CHRNA3: variants seen among roughly 807,000 people sequenced by gnomAD.
The protein encoded by CHRNA3 is cholinergic receptor nicotinic alpha 3 subunit.
Under a neutral mutation model 41.9 loss-of-function variants are expected in CHRNA3, and 34 were observed. That is an observed-to-expected ratio of 0.81 (90% confidence interval 0.62 to 1.08). The LOEUF is 1.08. Among genes scored for constraint, CHRNA3 ranks in the 50% least tolerant of loss-of-function variants. CHRNA3 has a pLI of 0.00. For synonymous variants in CHRNA3, 281 were observed against 265.2 expected (o/e 1.06, Z -0.58); for missense variants, 542 against 638.3 (o/e 0.85, Z 1.63).
At chr15:78,609,302 G>A (rs1306254842) in intron 4 of CHRNA3, among the ~76,000 whole-genome samples, 2 of 152,100 alleles carry the variant, frequency 1.3e-5, no homozygotes, top group Admixed American at 6.6e-5. Context: ...TGAAATGAAG[G>A]AAAAAATGTT....
intron 4 of CHRNA3, among the ~76,000 whole-genome samples, chr15:78,608,997 A>G (rs1380826835): frequency 6.6e-6 from 1 of 152,242 alleles, no homozygotes; most frequent in East Asian, 1.9e-4. Context: ...GGAAGATGAA[A>G]TGAATGAAAT....
Position 78,617,067 on chromosome 15 carries a change from G to C in CHRNA3, c.334C>G (p.Pro112Ala), listed in dbSNP as rs972546811. Residue 112 changes from proline to alanine, a missense_variant, in exon 4 of 6, where the codon CCT (proline) becomes GCT (alanine). By Grantham distance (27) the Pro-to-Ala change is conservative. Coordinates refer to ENST00000326828, the MANE Select transcript of CHRNA3 (RefSeq NM_000743.5). ...TCTGGCTTCCAGATCTTCTGTGCAGGGACACGCATGAACTCTGCCCCACCA... is the reference window on the plus strand; with the variant it reads ...TCTGGCTTCCAGATCTTCTGTGCAGCGACACGCATGAACTCTGCCCCACCA... ...DYGGAEFMRV[P>A]AQKIWKPDIV... The C allele has an allele frequency of 1.2e-6, 2 of 1,613,748 alleles. No homozygotes were observed. The highest frequency in any genetic ancestry group is 8.5e-7 in the Non-Finnish European group (1 of 1,179,948).
At position 78,596,520 on chromosome 15, in the gene CHRNA3, A is replaced by C; in HGVS notation, c.*84T>G. 1 of 1,351,236 alleles carries C rather than the reference A, an allele frequency of 7.4e-7. No homozygotes were observed. The highest frequency in any genetic ancestry group is 9.6e-7 in the Non-Finnish European group (1 of 1,046,874). 83.7% of individuals were successfully genotyped at this position (1,351,236 alleles called of 1,614,324 possible). ...CCAAAAACAAAGCTGGTAGCTTGAT[A>C]ACAGAAAGTACGTTCTTACTAGGAA... On this transcript the variant is annotated 3_prime_UTR_variant, in exon 6 of 6. Transcript: ENST00000326828.
chr15:78,618,704 G>A, intron 2 of CHRNA3, 43 bp from the exon 3 acceptor site: 1 of 1,614,040 alleles, frequency 6.2e-7, no homozygotes, highest in Non-Finnish European at 8.5e-7. Context: ...TACAAAACAA[G>A]ACTAATTCTG....
chr15:78,602,412 C>T (rs1173213187), intron 4 of CHRNA3, 148 bp from the exon 5 acceptor site: 19 of 877,050 alleles, frequency 2.2e-5, no homozygotes, highest in Non-Finnish European at 3.1e-5. Flanking sequence ...CACCCATTTC[C>T]TGGCCCCATT....
chr15:78,603,813 C>G (rs1346032574), intron 4 of CHRNA3, among the ~76,000 whole-genome samples: 1 of 152,152 alleles, frequency 6.6e-6, no homozygotes, highest in Non-Finnish European at 1.5e-5. Context: ...TTTATACATT[C>G]TTAGCCCCAA....
chr15:78,608,112 T>C (rs796531194), intron 4 of CHRNA3, among the ~76,000 whole-genome samples: 52 of 152,346 alleles, frequency 3.4e-4, no homozygotes, highest in African/African-American at 1.3e-3. Context: ...CAAGGAGGCC[T>C]GCCTGCCTCT....
rs79564225 is a variant in CHRNA3, at chr15:78,596,074, A to G, written c.*530T>C. 1.4e-5 allele frequency: 14 copies of G among 984,804 alleles called. No homozygotes were observed. The Admixed American group carries it at 8.0e-4, about 56-fold the overall frequency. The allele number at this position is 984,804 out of a possible 1,614,324, so 61.0% of individuals were successfully genotyped here. On this transcript the variant is annotated 3_prime_UTR_variant, in exon 6 of 6. Coordinates refer to ENST00000326828, the MANE Select transcript of CHRNA3 (RefSeq NM_000743.5). ...ATTTCTCATGGTATAATTTAGAAGT[A>G]TGCAAGAGAAGTAGTTGAAGCTCTC...
rs10637216 is a variant in CHRNA3, at chr15:78,595,892, A to ACCCCCCCCC, written c.*711_*712insGGGGGGGGG. 5.7e-6 allele frequency: 1 copy of ACCCCCCCCC among 176,242 alleles called. No homozygotes were observed. The allele number at this position is 176,242 out of a possible 1,614,324, so 10.9% of individuals were successfully genotyped here. ...TCATGTGAGGACACAGCTAGAAGGCACCCTTTGAGGAAGAGGACCCTCACC... is the reference window on the plus strand; with the variant it reads ...TCATGTGAGGACACAGCTAGAAGGCACCCCCCCCCCCCTTTGAGGAAGAGGACCCTCACC... On this transcript the variant is annotated 3_prime_UTR_variant, in exon 6 of 6. Coordinates refer to ENST00000326828, the MANE Select transcript of CHRNA3 (RefSeq NM_000743.5).
intron 4 of CHRNA3, among the ~76,000 whole-genome samples, chr15:78,609,094 A>G (rs1050752942): frequency 6.6e-6 from 1 of 152,244 alleles, no homozygotes; most frequent in Admixed American, 6.5e-5. Context: ...GACCAAATCT[A>G]CATCTGATTG....
intron 4 of CHRNA3, among the ~76,000 whole-genome samples, chr15:78,615,758 T>G (rs1027854442): frequency 4.0e-5 from 6 of 148,524 alleles, no homozygotes; most frequent in Non-Finnish European, 3.0e-5. Flanking sequence ...TTTTTTTTTT[T>G]TTTGAGACGG....
At chr15:78,607,964 CT>C (rs2053320862) in intron 4 of CHRNA3, among the ~76,000 whole-genome samples, 1 of 152,214 alleles carries the variant, frequency 6.6e-6, no homozygotes, top group African/African-American at 2.4e-5. Context: ...CGGAGTCTTG[CT>C]GATGGCTAGC....
Position 78,595,941 on chromosome 15 carries a change from T to G in CHRNA3, c.*663A>C, listed in dbSNP as rs1214794015. 2.5e-5 allele frequency: 14 copies of G among 564,786 alleles called. No individual in the cohort carries two copies. The highest frequency in any genetic ancestry group is 1.0e-4 in the African/African-American group (5 of 48,502). The allele number at this position is 564,786 out of a possible 1,614,324, so 35.0% of individuals were successfully genotyped here. A position where few individuals can be genotyped will look rare whatever the true frequency, so the allele number is the denominator to read the frequency against. ...CCAGACACCAAATTTGCTGGTGCCT[T>G]GACCTTGGACCTCCCAACCTCCAAA... On this transcript the variant is annotated 3_prime_UTR_variant, in exon 6 of 6. Transcript: ENST00000326828.
At chr15:78,594,222 C>A (rs1400000354), downstream of CHRNA3, 1 of 152,182 alleles carries the variant, frequency 6.6e-6, no homozygotes, top group Non-Finnish European at 1.5e-5. Flanking sequence ...GTAGACAACT[C>A]CTGTGGACAC....
At chr15:78,616,996 A>G (rs781637649) in intron 4 of CHRNA3, 28 bp downstream of exon 4, 8 of 1,537,008 alleles carry the variant, frequency 5.2e-6, no homozygotes, top group Non-Finnish European at 7.2e-6. Context: ...GACAGCCCTG[A>G]GAGGGCGTGG....
rs1268778312 is a variant in CHRNA3, at chr15:78,596,718, C to T, written c.1404G>A (p.Trp468Ter). Residue 468 changes from tryptophan to a stop codon, truncating the protein, a stop_gained, in exon 6 of 6, where the codon TGG becomes TGA. Coordinates refer to ENST00000326828, the MANE Select transcript of CHRNA3 (RefSeq NM_000743.5). LOFTEE classifies it high-confidence loss of function. Reference sequence around the variant, plus strand: ...GATCAATCACCATGGCAACATACTTCCAATCATCTTGAATCTGCAAAACAA... The same window carrying T: ...GATCAATCACCATGGCAACATACTTTCAATCATCTTGAATCTGCAAAACAA... ...QNEAKEIQDD[W>*]KYVAMVIDRI... The T allele has an allele frequency of 6.2e-7, 1 of 1,606,526 alleles. No homozygotes were observed. Among genetic ancestry groups the T allele is most frequent in the African/African-American group, 1.3e-5 (1 of 74,510 alleles).
chr15:78,606,855 TGCCACCAC>T (rs2141332272), intron 4 of CHRNA3, among the ~76,000 whole-genome samples: 1 of 152,076 alleles, frequency 6.6e-6, no homozygotes, highest in East Asian at 1.9e-4. Flanking sequence ...GCTGAGATCA[TGCCACCAC>T]GAGAGTCTGT....
chr15:78,609,322 CAGAA>C (rs986893530), intron 4 of CHRNA3, among the ~76,000 whole-genome samples: 5 of 152,096 alleles, frequency 3.3e-5, no homozygotes, highest in African/African-American at 1.2e-4. Flanking sequence ...TAAGGGCAGC[CAGAA>C]AGAAAGGTCG....
intron 4 of CHRNA3, among the ~76,000 whole-genome samples, chr15:78,607,714 A>G (rs1407192984): frequency 6.6e-6 from 1 of 152,212 alleles, no homozygotes; most frequent in Non-Finnish European, 1.5e-5. Context: ...AGTGCCAGAC[A>G]GTGGGTGCAG....
Sources: allele counts gnomAD v4.1 joint callset (sites outside exome capture counted in the v4.1 genomes callset), GRCh38; gene constraint gnomAD v4.1.1; transcripts MANE v1.5; gene names NCBI Gene and HGNC (gene_info 2026-07-23, HGNC 2026-07-21).